Variants in ARVCF observed in about 807,000 individuals in gnomAD.
ARVCF encodes the protein splicing regulator ARVCF.
ARVCF carries 66 observed loss-of-function variants against 90.9 expected under a neutral mutation model. The ratio of observed to expected loss-of-function variants is 0.73; its 90% CI spans 0.60 to 0.89. The LOEUF (loss-of-function observed/expected upper bound fraction) is 0.89, where lower values mean the gene tolerates loss of function less well. Ranked by LOEUF, ARVCF falls within the 40% of genes least tolerant of loss-of-function variation. ARVCF has a pLI of 0.00. For synonymous variants in ARVCF, 653 were observed against 603.4 expected (o/e 1.08, Z -1.21); for missense variants, 1,469 against 1,382.3 (o/e 1.06, Z -1.00).
intron 16 of ARVCF, 101 bp from the exon 17 acceptor site, chr22:19,972,512 T>C (rs1028704736): frequency 1.4e-6 from 2 of 1,458,174 alleles, no homozygotes; most frequent in Middle Eastern, 1.8e-4. Flanking sequence ...AGAGGCTCTC[T>C]GTCACTAAGG....
At chr22:19,989,520 A>G (rs908937530) in intron 3 of ARVCF, among the ~76,000 whole-genome samples, 4 of 152,078 alleles carry the variant, frequency 2.6e-5, no homozygotes, top group African/African-American at 9.7e-5. Flanking sequence ...GCCTCAACAG[A>G]GACCAGCGTT....
Position 19,979,019 on chromosome 22 carries a change from C to A in ARVCF, c.1458G>T (p.Leu486=), listed in dbSNP as rs1200951162. Residue 486 remains leucine (L), a synonymous_variant, in exon 7 of 20, where the codon CTG becomes CTT. Coordinates refer to ENST00000263207, the MANE Select transcript of ARVCF (RefSeq NM_001670.3). The part of the protein sequence containing the change: ...PLKMVIIDHG[L]QTLTHEVIVP... ...CGATCACCTCGTGGGTCAGCGTCTG[C>A]AGGCCATGGTCAATGATGACCATCT... 1 of 1,613,460 alleles carries A rather than the reference C, an allele frequency of 6.2e-7. No individual in the cohort carries two copies. The highest frequency in any genetic ancestry group is 8.5e-7 in the Non-Finnish European group (1 of 1,179,966).
At chr22:19,981,796 T>G in intron 4 of ARVCF, 59 bp from the exon 5 acceptor site, 1 of 1,548,852 alleles carries the variant, frequency 6.5e-7, no homozygotes, top group Non-Finnish European at 8.7e-7. Flanking sequence ...ACTGCTTTGC[T>G]GGGGTCTGGC....
At chr22:19,967,134 C>T, downstream of ARVCF, 1 of 1,293,776 alleles carries the variant, frequency 7.7e-7, no homozygotes, top group Non-Finnish European at 1.0e-6. Flanking sequence ...TTCTGCCCTT[C>T]CCTCCTTCTT....
downstream of ARVCF, chr22:19,967,134 CCCT>C: frequency 7.7e-7 from 1 of 1,293,776 alleles, no homozygotes; most frequent in Non-Finnish European, 1.0e-6. Context: ...TTCTGCCCTT[CCCT>C]CCTTCTTTCC....
chr22:19,973,311 T>G lies in ARVCF; in HGVS notation c.2246A>C (p.Tyr749Ser), dbSNP rs1308238885. 1 of 1,596,934 alleles carries G rather than the reference T, an allele frequency of 6.3e-7. No individual in the cohort carries two copies. Among genetic ancestry groups the G allele is most frequent in the African/African-American group, 1.3e-5 (1 of 74,796 alleles). Residue 749 changes from tyrosine (Y) to serine (S), a missense_variant, in exon 14 of 20, where the codon TAC (tyrosine) becomes TCC (serine). Coordinates refer to ENST00000263207, the MANE Select transcript of ARVCF (RefSeq NM_001670.3). The stretch of plus-strand genomic sequence containing the variant: ...ATTCCGCACAAGCTCAGCCATGGCG[T>G]AGCTCCCTGAGGGGCAGGACTAGGT... ...DRRNKDLIGS[Y>S]AMAELVRNVR...
downstream of ARVCF, chr22:19,968,391 C>T (rs76296330): frequency 5.1e-6 from 4 of 779,252 alleles, no homozygotes; most frequent in Middle Eastern, 7.0e-4. Flanking sequence ...GCAGGAGTCA[C>T]GCTGGGCAGA....
rs1444467341 is a variant in ARVCF at position 19,973,047 on chromosome 22, G to A, written c.2439-11C>T. 3.1e-6 allele frequency: 5 copies of A among 1,611,684 alleles called. No individual in the cohort carries two copies. The highest frequency in any genetic ancestry group is 2.2e-5 in the East Asian group (1 of 44,842). ...TCGCGTACCGATTGGCTGTGGGGCC[G>A]GGGGCGGGGTCAGTGGTGGCCCCTC... On this transcript the variant is annotated splice_polypyrimidine_tract_variant and intron_variant, in intron 14 of 19. Transcript: ENST00000263207.
At chr22:19,974,401 A>C in intron 11 of ARVCF, 162 bp from the exon 12 acceptor site, 1 of 841,148 alleles carries the variant, frequency 1.2e-6, no homozygotes, top group Non-Finnish European at 1.7e-6. Flanking sequence ...ATAGTCACCC[A>C]AGGGGAAAAG....
At chr22:19,995,323 C>T (rs1023721682) in intron 2 of ARVCF, among the ~76,000 whole-genome samples, 1 of 148,920 alleles carries the variant, frequency 6.7e-6, no homozygotes, top group Non-Finnish European at 1.5e-5. Context: ...AGATGGGATG[C>T]TGAAGGCTGG....
chr22:19,976,832 A>T, intron 9 of ARVCF, 109 bp from the exon 10 acceptor site: 1 of 1,292,208 alleles, frequency 7.7e-7, no homozygotes, highest in Admixed American at 2.1e-5. Context: ...CACACCCTGG[A>T]TCAAGCAGGC....
rs201851400 is a variant in ARVCF at position 19,977,403 on chromosome 22, C to T, written c.1870+12G>A. The T allele has an allele frequency of 2.2e-4, 327 of 1,505,000 alleles. No individual in the cohort carries two copies. Among genetic ancestry groups the T allele is most frequent in the Non-Finnish European group, 2.7e-4 (309 of 1,125,470 alleles). 93.2% of individuals were successfully genotyped at this position (1,505,000 alleles called of 1,614,324 possible). A position where few individuals can be genotyped will look rare whatever the true frequency, so the allele number is the denominator to read the frequency against. Reference sequence around the variant, plus strand: ...AGATGGTAGAGATGATACCCCAGTCCGCCCCACCCACCTTTGGCCTTCTTG... The same window carrying T: ...AGATGGTAGAGATGATACCCCAGTCTGCCCCACCCACCTTTGGCCTTCTTG... On this transcript the variant is annotated intron_variant, in intron 9 of 19. Coordinates refer to ENST00000263207, the MANE Select transcript of ARVCF (RefSeq NM_001670.3).
intron 13 of ARVCF, 122 bp downstream of exon 13, chr22:19,973,521 G>A (rs1942967375): frequency 4.8e-6 from 7 of 1,467,738 alleles, no homozygotes; most frequent in South Asian, 1.3e-5. Context: ...TTGGGACAGC[G>A]CCCAAGCGAG....
chr22:19,979,083 G>A lies in ARVCF; in HGVS notation c.1397-3C>T. On this transcript the variant is annotated splice_region_variant and splice_polypyrimidine_tract_variant and intron_variant, in intron 6 of 19. Coordinates refer to ENST00000263207, the MANE Select transcript of ARVCF (RefSeq NM_001670.3). ...GGATGACAGGTTCCACAGGGTGCCT[G>A]TGGGGTGCGATTGGCCAATCTGTGC... 6.2e-7 allele frequency: 1 copy of A among 1,610,828 alleles called. No homozygotes were observed. The highest frequency in any genetic ancestry group is 1.1e-5 in the South Asian group (1 of 91,022).
At chr22:19,979,691 C>T in intron 6 of ARVCF, 52 bp downstream of exon 6, 3 of 1,533,142 alleles carry the variant, frequency 2.0e-6, no homozygotes, top group South Asian at 1.3e-5. Context: ...CCGGGTTGAG[C>T]CTCACACTCT....
downstream of ARVCF, chr22:19,966,875 G>A: frequency 1.1e-6 from 1 of 922,384 alleles, no homozygotes; most frequent in Non-Finnish European, 1.3e-6. Flanking sequence ...AGGAGGGTGG[G>A]CCAGATGAAA....
At chr22:19,972,625 T>A in intron 16 of ARVCF, 112 bp downstream of exon 16, 2 of 1,266,266 alleles carry the variant, frequency 1.6e-6, no homozygotes, top group South Asian at 3.0e-5. Context: ...AAGTGGCCTA[T>A]GGAAGCCGTC....
intron 17 of ARVCF, 81 bp downstream of exon 17, chr22:19,972,266 GCACCATCTACA>G (rs1942853594): frequency 6.5e-7 from 1 of 1,541,348 alleles, no homozygotes; most frequent in Non-Finnish European, 9.0e-7. Flanking sequence ...CCTCCACCCA[GCACCATCTACA>G]CCCCATAAAA....
At chr22:19,986,641 G>A (rs1943783940) in intron 3 of ARVCF, 1 of 162,060 alleles carries the variant, frequency 6.2e-6, no homozygotes, top group Non-Finnish European at 1.3e-5. Context: ...TCAGGGAGCA[G>A]AAGGCCTACC....
Sources: allele counts gnomAD v4.1 joint callset (sites outside exome capture counted in the v4.1 genomes callset), GRCh38; gene constraint gnomAD v4.1.1; transcripts MANE v1.5; gene names NCBI Gene and HGNC (gene_info 2026-07-23, HGNC 2026-07-21).